Variants in NEK1 observed in about 807,000 individuals in gnomAD.
NEK1 encodes the protein NIMA related kinase 1.
Under a neutral mutation model 182.1 loss-of-function variants are expected in NEK1, and 137 were observed. That is an observed-to-expected ratio of 0.75 (90% CI 0.65 to 0.87). The LOEUF is 0.87. Among genes scored for constraint, NEK1 ranks in the 40% least tolerant of loss-of-function variants. NEK1 has a pLI of 0.00. For synonymous variants in NEK1, 513 were observed against 492.2 expected, an observed-to-expected ratio of 1.04 and a Z score of -0.56; for missense variants, 1,391 against 1,494.4, an observed-to-expected ratio of 0.93 and a Z score of 1.14.
At chr4:169,556,952 G>C (rs1263335092) in intron 16 of NEK1, among the ~76,000 whole-genome samples, 1 of 152,172 alleles carries the variant, frequency 6.6e-6, no homozygotes, top group African/African-American at 2.4e-5. Context: ...AAAGTATTAA[G>C]TATTAAGTTT....
chr4:169,479,297 A>G, intron 24 of NEK1, 106 bp downstream of exon 24: 1 of 1,197,436 alleles, frequency 8.4e-7, no homozygotes, highest in South Asian at 1.8e-5. Flanking sequence ...TTTTTTCCTT[A>G]GAAAAACCTG....
In NEK1 at chr4:169,420,144, C is replaced by T. The variant is rs540439718; in HGVS notation, c.3222+4409G>A. Among the ~76,000 whole-genome samples the T allele has an allele frequency of 1.8e-4, 27 of 152,296 alleles. No homozygotes were observed. In the South Asian group the frequency reaches 4.8e-3, roughly 27 times the overall value. On this transcript the variant is annotated intron_variant, in intron 31 of 35. Coordinates refer to ENST00000507142, the MANE Select transcript of NEK1 (RefSeq NM_001199397.3). ...ATAAACTTGAAGACACAAACACACA[C>T]GTCAGCCTATGCCTACAGAGGGTCA...
chr4:169,580,780 C>A, intron 11 of NEK1, 62 bp downstream of exon 11: 1 of 956,204 alleles, frequency 1.0e-6, no homozygotes, highest in Non-Finnish European at 1.6e-6. Context: ...ACATATATTT[C>A]CAGTTTAATT....
chr4:169,515,243 A>C (rs1754968787), intron 19 of NEK1, among the ~76,000 whole-genome samples: 1 of 152,148 alleles, frequency 6.6e-6, no homozygotes, highest in African/African-American at 2.4e-5. Flanking sequence ...GGTGCTTAAA[A>C]TGTGTATTTT....
intron 3 of NEK1, 43 bp from the exon 4 acceptor site, chr4:169,602,147 TAAAC>T (rs755783663): frequency 8.0e-6 from 11 of 1,381,456 alleles, no homozygotes; most frequent in African/African-American, 2.8e-5. Flanking sequence ...AAACCATTAA[TAAAC>T]AACCTAAAAG....
chr4:169,480,516 A>AAAG (rs1554044317), intron 23 of NEK1, among the ~76,000 whole-genome samples: 1 of 151,548 alleles, frequency 6.6e-6, no homozygotes, highest in African/African-American at 2.4e-5. Flanking sequence ...TTCCTAAAAA[A>AAAG]AAAAAAAAAA....
rs77364636 is a variant in NEK1 at position 169,508,968 on chromosome 4, T to C, written c.1666-116A>G. 2.7e-3 allele frequency: 1,897 copies of C among 715,138 alleles called. 25 individuals carry two copies. The African/African-American group carries it at 0.03, about 11-fold the overall frequency. 44.3% of individuals were successfully genotyped at this position (715,138 alleles called of 1,614,324 possible). A position where few individuals can be genotyped will look rare whatever the true frequency, so the allele number is the denominator to read the frequency against. ...TTGGCAAATACTGACCATTTATTGA[T>C]GATAAACTGTGATAACAAACCCTGG... On this transcript the variant is annotated intron_variant, in intron 19 of 35. Coordinates refer to ENST00000507142, the MANE Select transcript of NEK1 (RefSeq NM_001199397.3).
chr4:169,430,375 G>A (rs760317368), intron 29 of NEK1, among the ~76,000 whole-genome samples: 1 of 152,126 alleles, frequency 6.6e-6, no homozygotes, highest in Non-Finnish European at 1.5e-5. Context: ...AGTAGGAACA[G>A]GGTTTCGCCA....
intron 27 of NEK1, among the ~76,000 whole-genome samples, chr4:169,454,068 G>C (rs561024910): frequency 8.6e-5 from 13 of 152,044 alleles, no homozygotes; most frequent in African/African-American, 3.1e-4. Context: ...TGACAAAAAC[G>C]AGAAATGGGG....
chr4:169,507,504 T>C (rs573125806), intron 22 of NEK1, among the ~76,000 whole-genome samples: 95 of 152,298 alleles, frequency 6.2e-4, no homozygotes, highest in African/African-American at 2.2e-3. Context: ...GATAGTTTCA[T>C]GTATTTATGC....
chr4:169,570,902 CAT>C (rs1764700676), intron 12 of NEK1, among the ~76,000 whole-genome samples: 1 of 152,182 alleles, frequency 6.6e-6, no homozygotes, highest in Non-Finnish European at 1.5e-5. Context: ...CTCTCTGAAA[CAT>C]GTGCTGTGTC....
At chr4:169,435,451 G>A (rs762702801) in intron 28 of NEK1, among the ~76,000 whole-genome samples, 3 of 152,132 alleles carry the variant, frequency 2.0e-5, no homozygotes, top group Admixed American at 6.5e-5. Context: ...TAATGAATAA[G>A]ATTATTTAAG....
At chr4:169,582,385 G>A (rs187111818) in intron 10 of NEK1, among the ~76,000 whole-genome samples, 14 of 152,220 alleles carry the variant, frequency 9.2e-5, no homozygotes, top group Admixed American at 5.2e-4. Flanking sequence ...TACTGAAACC[G>A]AGACTGTTGT....
chr4:169,565,066 A>G (rs1763467562), intron 12 of NEK1, among the ~76,000 whole-genome samples: 1 of 152,086 alleles, frequency 6.6e-6, no homozygotes, highest in Non-Finnish European at 1.5e-5. Context: ...CCTAACCTCT[A>G]ATTTTGGCTA....
At chr4:169,474,774 T>C (rs1746649376) in intron 26 of NEK1, among the ~76,000 whole-genome samples, 1 of 152,238 alleles carries the variant, frequency 6.6e-6, no homozygotes, top group South Asian at 2.1e-4. Context: ...CCTATAAGTC[T>C]GTCTCCTAGT....
rs1030366635 is a variant in NEK1 at position 169,575,754 on chromosome 4, C to G, written c.1020+1174G>C. On this transcript the variant is annotated intron_variant, in intron 12 of 35. Coordinates refer to ENST00000507142, the MANE Select transcript of NEK1 (RefSeq NM_001199397.3). ...TGCCAGCCCCAGACTGTGGGGCCAT[C>G]GAGTGAGCTACTGCCATACCCTACC... Among the ~76,000 whole-genome samples the G allele has an allele frequency of 2.0e-5, 3 of 152,104 alleles. No homozygotes were observed. In the East Asian group the frequency reaches 5.8e-4, roughly 29 times the overall value.
intron 15 of NEK1, 56 bp from the exon 16 acceptor site, chr4:169,561,610 C>G: frequency 6.3e-7 from 1 of 1,585,216 alleles, no homozygotes. Context: ...ATAAAATACA[C>G]GTAATACATT....
intron 27 of NEK1, among the ~76,000 whole-genome samples, chr4:169,462,234 G>C: frequency 6.6e-6 from 1 of 151,838 alleles, no homozygotes; most frequent in East Asian, 1.9e-4. Context: ...AAATGTTAGA[G>C]CCTGAAGGCA....
At position 169,400,275 on chromosome 4, in the gene NEK1, A is replaced by C; in HGVS notation, c.3797T>G (p.Leu1266Arg). ...QNILGNEHQH[L>R]YAKILHLVMA... ...GACTAAATGAAGAATCTTGGCATAA[A>C]GATGCTGATGTTCATTTCCCAAAAT... is the stretch of plus-strand genomic sequence containing the variant. The change falls in exon 35 of 36, where the codon CTT becomes CGT. Residue 1266 changes from leucine to arginine, a missense_variant. By Grantham distance (102) the Leu-to-Arg change is moderately radical (BLOSUM62 -2). Coordinates refer to ENST00000507142, the MANE Select transcript of NEK1 (RefSeq NM_001199397.3). 6.4e-7 allele frequency: 1 copy of C among 1,571,544 alleles called. No individual in the cohort carries two copies. Among genetic ancestry groups the C allele is most frequent in the Non-Finnish European group, 8.7e-7 (1 of 1,155,842 alleles).
Sources: gnomAD v4.1 joint callset for allele counts (sites outside exome capture counted in the v4.1 genomes callset) on GRCh38, gnomAD v4.1.1 for gene constraint, MANE v1.5 for transcripts, NCBI Gene and HGNC (gene_info 2026-07-23, HGNC 2026-07-21) for gene names.